Variants in TCF20 observed in about 807,000 individuals in gnomAD.
TCF20 encodes SPRE-binding protein.
TCF20 carries 3 observed loss-of-function variants against 148.6 expected under a neutral mutation model. The ratio of observed to expected loss-of-function variants is 0.02; its 90% confidence interval spans 0.01 to 0.05. The LOEUF (loss-of-function observed/expected upper bound fraction) is 0.05, where lower values mean the gene tolerates loss of function less well. TCF20 is among the 10% of genes least tolerant of loss of function. TCF20 has a pLI of 1.00. For synonymous variants in TCF20, 1,049 were observed against 909.5 expected (o/e 1.15, Z -2.76); for missense variants, 2,350 against 2,429.3 (o/e 0.97, Z 0.69).
chr22:42,239,320 T>C (rs8137968), intron 1 of TCF20, among the ~76,000 whole-genome samples: 10,083 of 148,064 alleles, frequency 0.068, 597 homozygotes, highest in Admixed American at 0.19. Context: ...CTACTAAAAA[T>C]ACAAAATTAG....
At chr22:42,294,108 A>C (rs1458865038) in intron 1 of TCF20, among the ~76,000 whole-genome samples, 1 of 152,202 alleles carries the variant, frequency 6.6e-6, no homozygotes, top group African/African-American at 2.4e-5. Flanking sequence ...GAGCCTGGGA[A>C]GTGGGAACAT....
chr22:42,266,803 C>A (rs1453494953), intron 1 of TCF20, among the ~76,000 whole-genome samples: 1 of 152,046 alleles, frequency 6.6e-6, no homozygotes. Flanking sequence ...AAAAAGTATA[C>A]CACTACTAGG....
At chr22:42,162,714 C>T (rs937736598) in intron 5 of TCF20, among the ~76,000 whole-genome samples, 1 of 152,188 alleles carries the variant, frequency 6.6e-6, no homozygotes. Context: ...ATTTGGTGCC[C>T]TCCCCTGACA....
intron 1 of TCF20, among the ~76,000 whole-genome samples, chr22:42,215,828 G>C (rs73169123): frequency 0.09 from 13,621 of 152,074 alleles, 687 homozygotes; most frequent in African/African-American, 0.12. Flanking sequence ...CATATGCAGA[G>C]AAATGGCCTA....
intron 1 of TCF20, among the ~76,000 whole-genome samples, chr22:42,250,929 G>A (rs551362907): frequency 6.6e-6 from 1 of 152,234 alleles, no homozygotes; most frequent in African/African-American, 2.4e-5. Context: ...AGAGTGTGAG[G>A]TGCCACACTT....
At position 42,279,942 on chromosome 22, in the gene TCF20, T is replaced by C. The variant is rs1240139934; in HGVS notation, c.-37+3885A>G. Among the ~76,000 whole-genome samples, 1 of 129,830 alleles carries C rather than the reference T, an allele frequency of 7.7e-6. No homozygotes were observed. The allele number at this position is 129,830 out of a possible 152,430, so 85.2% of individuals were successfully genotyped here. A position where few individuals can be genotyped will look rare whatever the true frequency, so the allele number is the denominator to read the frequency against. ...TGATGGGGTGTGTTGTCTATGGGGC[T>C]CTTGTGCCCTCTGGGGGCCTCTGGG... On this transcript the variant is annotated intron_variant, in intron 1 of 5. Transcript: ENST00000359486. This position sits in a 1 kb window ranked among gnomAD's most constrained non-coding sequence, Gnocchi z 4.3.
At position 42,181,598 on chromosome 22, in the gene TCF20, C is replaced by CTT. The variant is rs34232368; in HGVS notation, c.5656-1898_5656-1897dup. On this transcript the variant is annotated intron_variant, in intron 2 of 5. Coordinates refer to ENST00000677622, the MANE Select transcript of TCF20 (RefSeq NM_001378418.1). ...GAAAACATTTTGCACTCCCCCCAAC[C>CTT]TTTTTTTTTTTTTTTTTAATATATT... Among the ~76,000 whole-genome samples the CTT allele has an allele frequency of 7.8e-4, 107 of 136,518 alleles. No homozygotes were observed. In the Middle Eastern group the frequency reaches 0.011, roughly 15 times the overall value. The allele number at this position is 136,518 out of a possible 152,430, so 89.6% of individuals were successfully genotyped here. A position where few individuals can be genotyped will look rare whatever the true frequency, so the allele number is the denominator to read the frequency against.
intron 1 of TCF20, among the ~76,000 whole-genome samples, chr22:42,218,227 A>T (rs1023537370): frequency 4.6e-5 from 7 of 152,234 alleles, no homozygotes; most frequent in Non-Finnish European, 8.8e-5. Context: ...GGGGCAGGAC[A>T]TGTTTTTAAC....
chr22:42,327,699 G>A lies in TCF20; in HGVS notation c.-37+15780C>T, dbSNP rs112017267. Among the ~76,000 whole-genome samples, 1,378 of 151,606 alleles carry A rather than the reference G, an allele frequency of 9.1e-3. 7 individuals are homozygous for A. Among genetic ancestry groups the A allele is most frequent in the Non-Finnish European group, 0.015 (1,027 of 67,944 alleles). On this transcript the variant is annotated intron_variant, in intron 1 of 1. Coordinates refer to the TCF20 transcript ENST00000515426. The stretch of plus-strand genomic sequence containing the variant: ...GAATGCAGAGGAAGAGGTGGAGCTG[G>A]GCTGTGAACCCTGAGACTTCTAGGC...
intron 1 of TCF20, among the ~76,000 whole-genome samples, chr22:42,293,478 C>T (rs1357115072): frequency 1.3e-5 from 2 of 152,216 alleles, no homozygotes; most frequent in Non-Finnish European, 1.5e-5. Flanking sequence ...GGGTGGTTCT[C>T]ATTCCACAAA....
intron 3 of TCF20, among the ~76,000 whole-genome samples, chr22:42,176,015 C>A (rs567737694): frequency 2.0e-5 from 3 of 151,956 alleles, no homozygotes; most frequent in Admixed American, 6.6e-5. Flanking sequence ...AGGCTGGTCT[C>A]GAACTCCTGG....
chr22:42,223,264 C>T (rs1189206426), intron 1 of TCF20, among the ~76,000 whole-genome samples: 1 of 151,990 alleles, frequency 6.6e-6, no homozygotes, highest in Admixed American at 6.6e-5. Flanking sequence ...TAATTTTTTC[C>T]AAAAGTCCAA....
At chr22:42,174,800 CCAAGG>C in intron 3 of TCF20, among the ~76,000 whole-genome samples, 1 of 151,856 alleles carries the variant, frequency 6.6e-6, no homozygotes, top group Non-Finnish European at 1.5e-5. Context: ...CTTTGGGGGG[CCAAGG>C]TGGGCAGATC....
chr22:42,176,115 T>C (rs1252588211), intron 3 of TCF20, among the ~76,000 whole-genome samples: 2 of 152,202 alleles, frequency 1.3e-5, no homozygotes, highest in Admixed American at 6.5e-5. Context: ...TGATTCCCTA[T>C]CTTTCCGTTG....
intron 5 of TCF20, 125 bp from the exon 6 acceptor site, chr22:42,161,483 T>C (rs956369405): frequency 1.6e-6 from 2 of 1,250,684 alleles, no homozygotes; most frequent in Admixed American, 3.8e-5. Context: ...CCTCTGCAGA[T>C]GTGCTGCTGA....
chr22:42,296,427 T>C (rs987577077), intron 1 of TCF20, among the ~76,000 whole-genome samples: 2 of 152,220 alleles, frequency 1.3e-5, no homozygotes, highest in African/African-American at 2.4e-5. Flanking sequence ...CGAGAGCCAG[T>C]GCAGCTGTGC....
chr22:42,270,946 G>T (rs1926593998), upstream of TCF20, among the ~76,000 whole-genome samples: 1 of 152,074 alleles, frequency 6.6e-6, no homozygotes, highest in Non-Finnish European at 1.5e-5. Context: ...GGGCCGTCTT[G>T]GGGGTGGACG....
chr22:42,315,498 C>T (rs897072404), intron 1 of TCF20, among the ~76,000 whole-genome samples: 5 of 152,226 alleles, frequency 3.3e-5, no homozygotes, highest in Admixed American at 6.5e-5. Context: ...GGAAGAGCAA[C>T]ATCCACTCCC....
intron 1 of TCF20, among the ~76,000 whole-genome samples, chr22:42,323,983 GTTA>G (rs1927804246): frequency 8.1e-6 from 1 of 123,868 alleles, no homozygotes; most frequent in Non-Finnish European, 1.7e-5. Context: ...GGTGGTGGAG[GTTA>G]TGGTGGTGGA....
Sources: allele counts gnomAD v4.1 joint callset (sites outside exome capture counted in the v4.1 genomes callset), GRCh38; gene constraint gnomAD v4.1.1; non-coding constraint Gnocchi (gnomAD v3.1); transcripts MANE v1.5; gene names NCBI Gene and HGNC (gene_info 2026-07-23, HGNC 2026-07-21).